Variants in WWOX observed in about 807,000 individuals in gnomAD.
The protein encoded by WWOX is WW domain containing oxidoreductase.
In WWOX, 69 loss-of-function variants were observed where a neutral mutation model predicts 46.2. That is an observed-to-expected ratio of 1.49 (90% CI 1.23 to 1.82). WWOX has a LOEUF of 1.82. Among genes scored for constraint, WWOX ranks in the 40% most tolerant of loss-of-function variants. The pLI, the probability that WWOX is intolerant of heterozygous loss-of-function variation, is 0.00. For synonymous variants in WWOX, 359 were observed against 202.6 expected (o/e 1.77, Z -6.56); for missense variants, 919 against 542.6 (o/e 1.69, Z -6.89).
chr16:78,128,040 T>C (rs137979097), intron 4 of WWOX, among the ~76,000 whole-genome samples: 2 of 152,258 alleles, frequency 1.3e-5, no homozygotes, highest in African/African-American at 4.8e-5. Context: ...AGAAGTCCAA[T>C]AGTGTATGAA....
chr16:79,048,363 C>G (rs1343714976), intron 8 of WWOX, among the ~76,000 whole-genome samples: 2 of 152,026 alleles, frequency 1.3e-5, no homozygotes, highest in Admixed American at 6.5e-5. Flanking sequence ...GACTGCCACT[C>G]TACCTGTTTA....
chr16:78,343,014 G>C (rs770715456), intron 5 of WWOX, among the ~76,000 whole-genome samples: 1 of 121,452 alleles, frequency 8.2e-6, no homozygotes, highest in Non-Finnish European at 2.0e-5. Flanking sequence ...AGCACACCTT[G>C]TATTTGTATT....
chr16:78,868,133 C>T (rs1340838174), intron 8 of WWOX, among the ~76,000 whole-genome samples: 1 of 152,128 alleles, frequency 6.6e-6, no homozygotes, highest in Non-Finnish European at 1.5e-5. Flanking sequence ...ACCCAAATGT[C>T]CATTAGCTGG....
chr16:78,406,303 AATATATATAT>A (rs532594425), intron 6 of WWOX, among the ~76,000 whole-genome samples: 2,560 of 57,670 alleles, frequency 0.044, 47 homozygotes, highest in East Asian at 0.078. Flanking sequence ...TATAAATATA[AATATATATAT>A]ATATATATAT....
At position 79,022,853 on chromosome 16, in the gene WWOX, C is replaced by G. The variant is rs1199118306; in HGVS notation, c.1057-188755C>G. ...TCAGCTTCTGCAGATAGAGTCTGTG[C>G]TTTGCACTTTCTGGCTTTGTGACCT... On this transcript the variant is annotated intron_variant, in intron 8 of 8. Transcript: ENST00000566780. 2.0e-5 allele frequency among the ~76,000 whole-genome samples: 3 copies of G among 152,194 alleles called. No individual in the cohort carries two copies. The East Asian group carries it at 5.8e-4, about 29-fold the overall frequency.
chr16:79,170,654 G>C (rs890217634), intron 8 of WWOX, among the ~76,000 whole-genome samples: 20 of 141,020 alleles, frequency 1.4e-4, no homozygotes, highest in Non-Finnish European at 4.6e-5. Context: ...CACTTTCACA[G>C]TCAAGAGTTA....
chr16:79,208,064 A>T (rs1028069083), intron 8 of WWOX, among the ~76,000 whole-genome samples: 1 of 152,206 alleles, frequency 6.6e-6, no homozygotes, highest in Non-Finnish European at 1.5e-5. Flanking sequence ...TGCAAATCTG[A>T]CAGATGATTT....
intron 8 of WWOX, among the ~76,000 whole-genome samples, chr16:78,442,132 A>G (rs2083458274): frequency 6.6e-6 from 1 of 151,820 alleles, no homozygotes; most frequent in South Asian, 2.1e-4. Flanking sequence ...GTGAGACCCT[A>G]TCTCTAAAGG....
intron 8 of WWOX, among the ~76,000 whole-genome samples, chr16:79,108,861 G>T (rs1320296014): frequency 6.6e-6 from 1 of 151,820 alleles, no homozygotes; most frequent in Non-Finnish European, 1.5e-5. Flanking sequence ...TGATCATGCC[G>T]CTGCACTCCA....
At chr16:78,970,393 A>G (rs1388886252) in intron 8 of WWOX, among the ~76,000 whole-genome samples, 1 of 152,214 alleles carries the variant, frequency 6.6e-6, no homozygotes, top group African/African-American at 2.4e-5. Flanking sequence ...CATGCCCAGC[A>G]TCGTCCTTAT....
intron 8 of WWOX, among the ~76,000 whole-genome samples, chr16:78,570,220 C>G (rs1475781138): frequency 2.0e-5 from 3 of 152,164 alleles, no homozygotes; most frequent in African/African-American, 7.2e-5. Context: ...GAATGCTAGA[C>G]TACGGGTCTG....
chr16:78,589,528 C>T (rs987317728), intron 8 of WWOX, among the ~76,000 whole-genome samples: 7 of 152,180 alleles, frequency 4.6e-5, no homozygotes, highest in Non-Finnish European at 1.0e-4. Context: ...CAAGAGTCCA[C>T]CTTGGCAGAA....
At chr16:78,976,627 C>T (rs1279950199) in intron 8 of WWOX, among the ~76,000 whole-genome samples, 2 of 152,164 alleles carry the variant, frequency 1.3e-5, no homozygotes, top group East Asian at 1.9e-4. Context: ...ACATCCACAC[C>T]CGCGAAGATA....
chr16:78,325,566 G>T (rs1415517165), intron 5 of WWOX, among the ~76,000 whole-genome samples: 1 of 152,142 alleles, frequency 6.6e-6, no homozygotes, highest in African/African-American at 2.4e-5. Context: ...TTCAGTTAGT[G>T]ATCTCTGTAA....
At chr16:78,619,309 A>G (rs117173877) in intron 8 of WWOX, among the ~76,000 whole-genome samples, 6,149 of 127,460 alleles carry the variant, frequency 0.048, 237 homozygotes, top group Non-Finnish European at 0.07. Flanking sequence ...GGTTGCAGTA[A>G]GCTGAGATCG....
At chr16:78,710,498 A>ATATATATATATATATATATTTTTT (rs941311575) in intron 8 of WWOX, among the ~76,000 whole-genome samples, 2 of 132,836 alleles carry the variant, frequency 1.5e-5, no homozygotes, top group African/African-American at 5.7e-5. Flanking sequence ...ATATATATAT[A>ATATATATATATATATATATTTTTT]TTTATATAAA....
intron 8 of WWOX, among the ~76,000 whole-genome samples, chr16:78,478,428 G>T (rs557963064): frequency 6.6e-6 from 1 of 152,084 alleles, no homozygotes; most frequent in Non-Finnish European, 1.5e-5. Context: ...CCACCCCGGG[G>T]TTCCTTTTCA....
At chr16:78,542,700 A>C (rs191037640) in intron 8 of WWOX, among the ~76,000 whole-genome samples, 1 of 152,210 alleles carries the variant, frequency 6.6e-6, no homozygotes, top group African/African-American at 2.4e-5. Context: ...TAAATAGACA[A>C]TTCTTCTATC....
At chr16:78,468,410 T>C (rs1265790925) in intron 8 of WWOX, among the ~76,000 whole-genome samples, 1 of 152,048 alleles carries the variant, frequency 6.6e-6, no homozygotes, top group East Asian at 1.9e-4. Flanking sequence ...AAAAAGAGAA[T>C]TGCACAGAGG....
Sources: allele counts gnomAD v4.1 joint callset (sites outside exome capture counted in the v4.1 genomes callset), GRCh38; gene constraint gnomAD v4.1.1; transcripts MANE v1.5; gene names NCBI Gene and HGNC (gene_info 2026-07-23, HGNC 2026-07-21).